Variants in STPG4 observed in about 807,000 individuals in gnomAD.
STPG4 encodes sperm-tail PG-rich repeat containing 4, also known as protein STPG4.
Under a neutral mutation model 31.5 loss-of-function variants are expected in STPG4, and 41 were observed. That is an observed-to-expected ratio of 1.30 (90% confidence interval 1.01 to 1.69). The LOEUF is 1.69. STPG4 is among the 40% of genes most tolerant of loss of function. The probability of loss-of-function intolerance (pLI) is 0.00; values close to 1 mark genes in which losing one functional copy is unlikely to be tolerated. For synonymous variants in STPG4, 141 were observed against 103.0 expected, an observed-to-expected ratio of 1.37 and a Z score of -2.24; for missense variants, 375 against 293.4, an observed-to-expected ratio of 1.28 and a Z score of -2.03.
In STPG4 at chr2:47,089,599, CGT is replaced by C. The variant is rs1295506343; in HGVS notation, c.624+669_624+670del. On this transcript the variant is annotated intron_variant, in intron 6 of 6. Coordinates refer to ENST00000445927, the MANE Select transcript of STPG4 (RefSeq NM_001163561.2). Reference sequence around the variant, plus strand: ...CAGCAAGTCTTGGGGACTTTCAGACCGTATTGCAGACTGAAAGCAACAAAGCT... The same window carrying C: ...CAGCAAGTCTTGGGGACTTTCAGACCATTGCAGACTGAAAGCAACAAAGCT... 1.5e-4 allele frequency among the ~76,000 whole-genome samples: 23 copies of C among 152,132 alleles called. No individual in the cohort carries two copies. The South Asian group carries it at 1.7e-3, about 11-fold the overall frequency.
chr2:47,119,474 G>T (rs1686222865), intron 5 of STPG4, among the ~76,000 whole-genome samples: 1 of 152,146 alleles, frequency 6.6e-6, no homozygotes, highest in African/African-American at 2.4e-5. Flanking sequence ...AGATTGTCCT[G>T]CCTGAATTAT....
intron 5 of STPG4, among the ~76,000 whole-genome samples, chr2:47,102,745 C>A (rs959566222): frequency 1.3e-5 from 2 of 151,810 alleles, no homozygotes; most frequent in Non-Finnish European, 2.9e-5. Flanking sequence ...CCCGGGCTAT[C>A]GGTTATGTCC....
At chr2:47,103,643 C>T (rs1040047949) in intron 5 of STPG4, among the ~76,000 whole-genome samples, 1 of 151,908 alleles carries the variant, frequency 6.6e-6, no homozygotes, top group Non-Finnish European at 1.5e-5. Context: ...AAAAGATTGT[C>T]CAATGAGAAA....
intron 5 of STPG4, among the ~76,000 whole-genome samples, chr2:47,105,540 C>T (rs536215241): frequency 2.6e-5 from 4 of 152,180 alleles, no homozygotes; most frequent in African/African-American, 9.7e-5. Flanking sequence ...TCGAACATGA[C>T]TGCCAACAAA....
chr2:47,111,488 T>A (rs74425528), intron 5 of STPG4, among the ~76,000 whole-genome samples: 4,038 of 152,224 alleles, frequency 0.027, 190 homozygotes, highest in African/African-American at 0.092. Flanking sequence ...AAACTACAAA[T>A]GAAAGTTTTG....
intron 6 of STPG4, among the ~76,000 whole-genome samples, chr2:47,088,617 C>G (rs1188890736): frequency 6.6e-6 from 1 of 152,212 alleles, no homozygotes. Context: ...GCTACCACCA[C>G]TATTATTTTT....
chr2:47,103,197 G>GA (rs1315861850), intron 5 of STPG4, among the ~76,000 whole-genome samples: 2 of 151,946 alleles, frequency 1.3e-5, no homozygotes, highest in African/African-American at 4.8e-5. Flanking sequence ...AGGAGAACTA[G>GA]AAAAAAGCCC....
chr2:47,096,383 T>A (rs1203290075), intron 5 of STPG4, among the ~76,000 whole-genome samples: 2 of 152,150 alleles, frequency 1.3e-5, no homozygotes, highest in Admixed American at 6.5e-5. Flanking sequence ...TAGGCCAAAA[T>A]GGGCAGGGCC....
In STPG4 at chr2:47,151,311, A is replaced by G. The variant is rs1686930434; in HGVS notation, c.346T>C (p.Ser116Pro). The change falls in exon 3 of 7, where the codon TCA (serine) becomes CCA (proline). Residue 116 changes from serine (S) to proline (P), a missense_variant. By Grantham distance (74) the Ser-to-Pro change is moderately conservative (BLOSUM62 -1). Coordinates refer to ENST00000445927, the MANE Select transcript of STPG4 (RefSeq NM_001163561.2). ...DLLKKQVATY[S>P]FKDKPRPSPS... ...CTTGGCCGTGGTTTGTCTTTGAATG[A>G]GTAAGTAGCCACTTGCTTCTTTAAC... is the stretch of plus-strand genomic sequence containing the variant. 2 of 1,614,198 alleles carry G rather than the reference A, an allele frequency of 1.2e-6. No homozygotes were observed. The highest frequency in any genetic ancestry group is 1.7e-6 in the Non-Finnish European group (2 of 1,180,032).
At chr2:47,152,229 T>C (rs375782072) in intron 2 of STPG4, among the ~76,000 whole-genome samples, 1 of 152,110 alleles carries the variant, frequency 6.6e-6, no homozygotes, top group South Asian at 2.1e-4. Flanking sequence ...AGCCCTCAAG[T>C]GGGAAGCTGA....
At chr2:47,135,471 G>A (rs1388084148) in intron 3 of STPG4, among the ~76,000 whole-genome samples, 3 of 151,974 alleles carry the variant, frequency 2.0e-5, no homozygotes, top group East Asian at 3.9e-4. Flanking sequence ...ACTGCAACCT[G>A]CACCTCCCAG....
In STPG4 at chr2:47,151,445, G is replaced by T; in HGVS notation, c.212C>A (p.Ala71Glu). ...TCCTTCGTTTTTAAAATTGTAGGTT[G>T]CTATCACTGGATTTAATAGGGATTC... ...IEESLLNPVI[A>E]TYNFKNEGRK... The change falls in exon 3 of 7, where the codon GCA (alanine) becomes GAA (glutamate). Residue 71 changes from alanine (A) to glutamate (E), a missense_variant. Physicochemically the swap from Ala to Glu is moderately radical, Grantham distance 107. Transcript: ENST00000445927. 1 of 1,613,972 alleles carries T rather than the reference G, an allele frequency of 6.2e-7. No individual in the cohort carries two copies.
chr2:47,107,529 C>T (rs972231517), intron 5 of STPG4, among the ~76,000 whole-genome samples: 21 of 152,302 alleles, frequency 1.4e-4, no homozygotes, highest in Admixed American at 9.1e-4. Context: ...GGGCAGGGCT[C>T]AGGACCTGCA....
intron 5 of STPG4, among the ~76,000 whole-genome samples, chr2:47,106,941 C>T (rs1685924570): frequency 6.6e-6 from 1 of 152,020 alleles, no homozygotes; most frequent in Admixed American, 6.5e-5. Flanking sequence ...GACCCCTGGA[C>T]CGACCCACTG....
intron 5 of STPG4, among the ~76,000 whole-genome samples, chr2:47,120,683 TA>T (rs1312886773): frequency 2.6e-5 from 4 of 152,164 alleles, no homozygotes; most frequent in East Asian, 1.9e-4. Flanking sequence ...TAAGAGGTCA[TA>T]GGGGTAGCAA....
rs1488697007 is a variant in STPG4, at chr2:47,144,743, TTTTTTGA to T, written c.399+6508_399+6514del. ...AACAAAAGAGTTTTTTTGTTTTTTG[TTTTTTGA>T]GATGAAGTCTTGCTCTGTCGCCCAG... On this transcript the variant is annotated intron_variant, in intron 3 of 6. Coordinates refer to ENST00000445927, the MANE Select transcript of STPG4 (RefSeq NM_001163561.2). Among the ~76,000 whole-genome samples the T allele has an allele frequency of 5.9e-5, 9 of 152,284 alleles. No individual in the cohort carries two copies. In the South Asian group the frequency reaches 1.9e-3, roughly 32 times the overall value.
chr2:47,111,959 A>G (rs923780646), intron 5 of STPG4, among the ~76,000 whole-genome samples: 1 of 152,226 alleles, frequency 6.6e-6, no homozygotes, highest in Non-Finnish European at 1.5e-5. Context: ...CCTGACACAA[A>G]GAAGGCTGCA....
intron 1 of STPG4, among the ~76,000 whole-genome samples, chr2:47,153,272 G>T (rs1038083043): frequency 6.6e-6 from 1 of 152,188 alleles, no homozygotes; most frequent in African/African-American, 2.4e-5. Flanking sequence ...CAGAGATGTT[G>T]TAAGTATCTT....
intron 5 of STPG4, among the ~76,000 whole-genome samples, chr2:47,095,719 T>A (rs959465405): frequency 7.2e-5 from 11 of 152,212 alleles, no homozygotes; most frequent in Non-Finnish European, 1.3e-4. Context: ...CATTTCTTAG[T>A]GTTAGAACAA....
Sources: gnomAD v4.1 joint callset for allele counts (sites outside exome capture counted in the v4.1 genomes callset) on GRCh38, gnomAD v4.1.1 for gene constraint, MANE v1.5 for transcripts, NCBI Gene and HGNC (gene_info 2026-07-23, HGNC 2026-07-21) for gene names.